The following MYO16 variants were observed in gnomAD, a reference collection of about 807,000 sequenced individuals.
MYO16 encodes the protein myosin XVI.
Under a neutral mutation model 205.3 loss-of-function variants are expected in MYO16, and 94 were observed. The ratio of observed to expected loss-of-function variants is 0.46; its 90% CI spans 0.39 to 0.54. MYO16 has a LOEUF of 0.54. Ranked by LOEUF, MYO16 falls within the 20% of genes least tolerant of loss-of-function variation. The pLI, the probability that MYO16 is intolerant of heterozygous loss-of-function variation, is 0.00. For synonymous variants in MYO16, 988 were observed against 954.0 expected, an observed-to-expected ratio of 1.04 and a Z score of -0.66; for missense variants, 2,315 against 2,387.5, an observed-to-expected ratio of 0.97 and a Z score of 0.63.
At chr13:108,728,093 A>G (rs1418684097) in intron 4 of MYO16, among the ~76,000 whole-genome samples, 1 of 152,214 alleles carries the variant, frequency 6.6e-6, no homozygotes, top group Non-Finnish European at 1.5e-5. Flanking sequence ...GTTGATCCTC[A>G]CACATACTTT....
At chr13:109,202,574 A>G (rs1310578922) in intron 34 of MYO16, among the ~76,000 whole-genome samples, 2 of 152,194 alleles carry the variant, frequency 1.3e-5, no homozygotes, top group Non-Finnish European at 2.9e-5. Flanking sequence ...ACAAATGGAA[A>G]CACATCCCAT....
chr13:108,849,716 C>T (rs1877738993), intron 10 of MYO16, among the ~76,000 whole-genome samples: 1 of 142,156 alleles, frequency 7.0e-6, no homozygotes, highest in Non-Finnish European at 1.5e-5. Flanking sequence ...CTTCCAAATC[C>T]TGTTGAATTT....
intron 9 of MYO16, among the ~76,000 whole-genome samples, chr13:108,843,802 C>A (rs1877372731): frequency 2.6e-5 from 4 of 151,934 alleles, no homozygotes; most frequent in Admixed American, 2.6e-4. Flanking sequence ...TTTGTTTGAG[C>A]TGTATAGAAT....
At chr13:108,979,113 AATC>A (rs1594442729) in intron 20 of MYO16, among the ~76,000 whole-genome samples, 1 of 152,062 alleles carries the variant, frequency 6.6e-6, no homozygotes, top group African/African-American at 2.4e-5. Context: ...TATTTTCAAG[AATC>A]ATATTTTCAT....
At chr13:108,794,894 A>G (rs72652126) in intron 6 of MYO16, among the ~76,000 whole-genome samples, 5,829 of 152,260 alleles carry the variant, frequency 0.038, 255 homozygotes, top group East Asian at 0.23. Flanking sequence ...GAGGTTGAAG[A>G]CAGTTGATAA....
chr13:108,855,431 G>A lies in MYO16; in HGVS notation c.1249-12G>A, dbSNP rs1878116441. On this transcript the variant is annotated splice_polypyrimidine_tract_variant and intron_variant, in intron 10 of 34. Coordinates refer to ENST00000457511, the MANE Select transcript of MYO16 (RefSeq NM_001198950.3). ...GCAATTAGAATTGATCATACTTTCGGTTCTTCCCCAGGTCAAGCTAATGCC... is the reference window on the plus strand; with the variant it reads ...GCAATTAGAATTGATCATACTTTCGATTCTTCCCCAGGTCAAGCTAATGCC... The A allele has an allele frequency of 1.3e-6, 2 of 1,524,840 alleles. No individual in the cohort carries two copies. Among genetic ancestry groups the A allele is most frequent in the African/African-American group, 2.7e-5 (2 of 73,268 alleles). The allele number at this position is 1,524,840 out of a possible 1,614,324, so 94.5% of individuals were successfully genotyped here. A position where few individuals can be genotyped will look rare whatever the true frequency, so the allele number is the denominator to read the frequency against.
At chr13:109,094,399 T>C (rs1276539921) in intron 27 of MYO16, among the ~76,000 whole-genome samples, 1 of 152,248 alleles carries the variant, frequency 6.6e-6, no homozygotes, top group East Asian at 1.9e-4. Context: ...TTTGTAGAGA[T>C]GGGGTCTTGC....
intron 4 of MYO16, among the ~76,000 whole-genome samples, chr13:108,760,542 A>G (rs2139655527): frequency 6.6e-6 from 1 of 151,638 alleles, no homozygotes; most frequent in Non-Finnish European, 1.5e-5. Context: ...TATTTTTACT[A>G]GAAATATTCT....
Position 108,992,369 on chromosome 13 carries a change from G to A in MYO16, c.2370-7G>A, listed in dbSNP as rs114315469. ...CCCATTTATCCTGGTGTATTGTTTTGTTTCAGCATGCAGACATTGGATATT... is the reference window on the plus strand; with the variant it reads ...CCCATTTATCCTGGTGTATTGTTTTATTTCAGCATGCAGACATTGGATATT... On this transcript the variant is annotated splice_polypyrimidine_tract_variant and splice_region_variant and intron_variant, in intron 20 of 34. Transcript: ENST00000457511. 1,425 of 1,603,122 alleles carry A rather than the reference G, an allele frequency of 8.9e-4. 10 individuals are homozygous for A. The African/African-American group carries it at 0.017, about 19-fold the overall frequency.
intron 1 of MYO16, among the ~76,000 whole-genome samples, chr13:108,603,712 A>G (rs1281194292): frequency 6.6e-6 from 1 of 152,196 alleles, no homozygotes; most frequent in Non-Finnish European, 1.5e-5. Flanking sequence ...TGATTGTACC[A>G]GGTTAAATGA....
intron 2 of MYO16, among the ~76,000 whole-genome samples, chr13:108,708,395 AG>A (rs1883595958): frequency 1.3e-5 from 2 of 152,322 alleles, no homozygotes; most frequent in South Asian, 4.1e-4. Context: ...TCATTTCAGG[AG>A]GAAAAAAATG....
intron 32 of MYO16, among the ~76,000 whole-genome samples, chr13:109,150,616 A>C (rs1877606141): frequency 6.6e-6 from 1 of 152,232 alleles, no homozygotes; most frequent in Non-Finnish European, 1.5e-5. Flanking sequence ...TTTTTAGATT[A>C]ACCAAATGCA....
intron 1 of MYO16, among the ~76,000 whole-genome samples, chr13:108,622,860 G>A (rs1470901341): frequency 6.6e-6 from 1 of 152,024 alleles, no homozygotes; most frequent in Non-Finnish European, 1.5e-5. Flanking sequence ...AAAAAGCAAT[G>A]GACGGAAAGC....
At chr13:108,729,470 A>G (rs979158749) in intron 4 of MYO16, among the ~76,000 whole-genome samples, 2 of 152,172 alleles carry the variant, frequency 1.3e-5, no homozygotes, top group East Asian at 1.9e-4. Flanking sequence ...GGCTTGATTC[A>G]TGGCTTTTGC....
At chr13:108,752,834 A>G (rs896563888) in intron 4 of MYO16, among the ~76,000 whole-genome samples, 5 of 25,218 alleles carry the variant, frequency 2.0e-4, no homozygotes, top group Admixed American at 5.1e-4. Context: ...TTTTTTTTTT[A>G]GTAGAGACAG....
At position 108,765,878 on chromosome 13, in the gene MYO16, C is replaced by A. The variant is rs141357719; in HGVS notation, c.508-19757C>A. On this transcript the variant is annotated intron_variant, in intron 4 of 34. Transcript: ENST00000457511. ...TGAGGTCATAAGTACTGACCTCCGG[C>A]AGTTTACAAAGGGAGCTTTAGGAAT... Among the ~76,000 whole-genome samples, 150 of 152,250 alleles carry A rather than the reference C, an allele frequency of 9.9e-4. 1 individual carries two copies. The highest frequency in any genetic ancestry group is 3.6e-3 in the African/African-American group (148 of 41,530).
At chr13:108,769,374 CGCTAGAG>C (rs752673645) in intron 4 of MYO16, among the ~76,000 whole-genome samples, 6 of 151,954 alleles carry the variant, frequency 3.9e-5, no homozygotes, top group Non-Finnish European at 8.8e-5. Context: ...GAATGGAGCA[CGCTAGAG>C]GCTGGTGGAA....
At chr13:108,828,909 T>G (rs1237586754) in intron 9 of MYO16, among the ~76,000 whole-genome samples, 1 of 152,214 alleles carries the variant, frequency 6.6e-6, no homozygotes, top group Non-Finnish European at 1.5e-5. Flanking sequence ...CCTCTCAGAC[T>G]TTTTCATATG....
rs1566484381 is a variant in MYO16, at chr13:109,055,688, C to CT, written c.3335+99dup. On this transcript the variant is annotated intron_variant, in intron 27 of 34. Transcript: ENST00000457511. The surrounding 1 kb of genome is among the most constrained non-coding windows in gnomAD (Gnocchi z 5.0). ...TATTGTAGCAAGGGTCTTCTGTTGT[C>CT]TTTTTTGGCACTGCTTTTGTTGTTT... 1 of 1,162,836 alleles carries CT rather than the reference C, an allele frequency of 8.6e-7. No individual in the cohort carries two copies. Among genetic ancestry groups the CT allele is most frequent in the African/African-American group, 1.5e-5 (1 of 64,898 alleles). 72.0% of individuals were successfully genotyped at this position (1,162,836 alleles called of 1,614,324 possible). A position where few individuals can be genotyped will look rare whatever the true frequency, so the allele number is the denominator to read the frequency against.
Sources: gnomAD v4.1 joint callset for allele counts (sites outside exome capture counted in the v4.1 genomes callset) on GRCh38, gnomAD v4.1.1 for gene constraint, Gnocchi (gnomAD v3.1) non-coding constraint, MANE v1.5 for transcripts, NCBI Gene and HGNC (gene_info 2026-07-23, HGNC 2026-07-21) for gene names.